The following GRM8 variants were observed in gnomAD, a reference collection of about 807,000 sequenced individuals.
GRM8 encodes the protein metabotropic glutamate receptor 8.
Under a neutral mutation model 87.2 loss-of-function variants are expected in GRM8, and 47 were observed. The observed-to-expected ratio is 0.54, with a 90% CI of 0.43 to 0.69. The LOEUF (loss-of-function observed/expected upper bound fraction) is 0.69, where lower values mean the gene tolerates loss of function less well. Among genes scored for constraint, GRM8 ranks in the 30% least tolerant of loss-of-function variants. The pLI is 0.00. For synonymous variants in GRM8, 396 were observed against 404.5 expected, an observed-to-expected ratio of 0.98 and a Z score of 0.25; for missense variants, 1,019 against 1,139.2, an observed-to-expected ratio of 0.89 and a Z score of 1.52.
chr7:126,930,750 C>T (rs1021569206), intron 3 of GRM8, among the ~76,000 whole-genome samples: 2 of 152,090 alleles, frequency 1.3e-5, no homozygotes, highest in African/African-American at 2.4e-5. Context: ...TCATGTGAGC[C>T]GAGTATTATA....
intron 3 of GRM8, among the ~76,000 whole-genome samples, chr7:127,025,694 T>C (rs933741557): frequency 6.6e-6 from 1 of 152,088 alleles, no homozygotes; most frequent in Non-Finnish European, 1.5e-5. Context: ...GTCAATATCC[T>C]GTCCAGAGAC....
intron 3 of GRM8, among the ~76,000 whole-genome samples, chr7:127,010,466 T>C (rs1814775762): frequency 6.6e-6 from 1 of 152,128 alleles, no homozygotes; most frequent in Non-Finnish European, 1.5e-5. Context: ...TGGCTGGATG[T>C]CAGGAAGTAA....
At chr7:126,553,639 A>C (rs1453202252) in intron 8 of GRM8, among the ~76,000 whole-genome samples, 2 of 152,186 alleles carry the variant, frequency 1.3e-5, no homozygotes, top group African/African-American at 4.8e-5. Flanking sequence ...TCTAGTTTTG[A>C]ATATATTAAG....
At chr7:126,574,771 G>A (rs945386586) in intron 8 of GRM8, among the ~76,000 whole-genome samples, 1 of 151,936 alleles carries the variant, frequency 6.6e-6, no homozygotes, top group African/African-American at 2.4e-5. Context: ...TTAGAAACAG[G>A]CTCCTTTTAA....
intron 2 of GRM8, among the ~76,000 whole-genome samples, chr7:127,197,334 A>G (rs1354730733): frequency 6.6e-6 from 1 of 152,250 alleles, no homozygotes; most frequent in Non-Finnish European, 1.5e-5. Flanking sequence ...ACCTACACAG[A>G]TAGACAATTG....
At chr7:127,130,080 G>A (rs1268518516) in intron 2 of GRM8, among the ~76,000 whole-genome samples, 2 of 152,120 alleles carry the variant, frequency 1.3e-5, no homozygotes, top group African/African-American at 4.8e-5. Context: ...CCCCTGCTCT[G>A]TCTCCTGCTG....
intron 9 of GRM8, among the ~76,000 whole-genome samples, chr7:126,493,860 T>G (rs1053148414): frequency 6.6e-6 from 1 of 152,044 alleles, no homozygotes; most frequent in African/African-American, 2.4e-5. Context: ...ATCAGTAAGA[T>G]TAGACAAAGG....
chr7:126,669,075 C>G (rs1806105081), intron 7 of GRM8, among the ~76,000 whole-genome samples: 1 of 152,072 alleles, frequency 6.6e-6, no homozygotes, highest in South Asian at 2.1e-4. Context: ...GAACAGAAAA[C>G]CAAACACTGC....
At position 126,972,265 on chromosome 7, in the gene GRM8, T is replaced by C. The variant is rs113511965; in HGVS notation, c.728-67582A>G. 8.0e-4 allele frequency among the ~76,000 whole-genome samples: 122 copies of C among 152,300 alleles called. 1 individual carries two copies. The highest frequency in any genetic ancestry group is 2.8e-3 in the African/African-American group (116 of 41,574). ...ATAACACATTCAAGAACCAGTCAAT[T>C]TGGTGAAAAAAGAAAAATCAAATTG... On this transcript the variant is annotated intron_variant, in intron 3 of 10. Transcript: ENST00000339582.
chr7:126,649,620 T>C (rs999005438), intron 7 of GRM8, among the ~76,000 whole-genome samples: 6 of 152,174 alleles, frequency 3.9e-5, no homozygotes, highest in African/African-American at 1.4e-4. Flanking sequence ...GTGGAGTCAG[T>C]AGAGACATTC....
chr7:127,125,620 A>G (rs1587085988), intron 2 of GRM8, among the ~76,000 whole-genome samples: 1 of 151,974 alleles, frequency 6.6e-6, no homozygotes, highest in Non-Finnish European at 1.5e-5. Context: ...TAGATAAATG[A>G]GTACTTAATT....
At chr7:127,122,792 T>C (rs967238565) in intron 2 of GRM8, among the ~76,000 whole-genome samples, 3 of 151,586 alleles carry the variant, frequency 2.0e-5, no homozygotes, top group Admixed American at 2.0e-4. Flanking sequence ...GAAAAGAAAA[T>C]GGAAATACTG....
At chr7:127,031,254 T>C (rs1817332757) in intron 3 of GRM8, among the ~76,000 whole-genome samples, 1 of 152,158 alleles carries the variant, frequency 6.6e-6, no homozygotes. Flanking sequence ...TTTCTTCCTT[T>C]TGTTTTTTTC....
rs139902518 is a variant in GRM8 at position 126,492,464 on chromosome 7, A to T, written c.2430+40488T>A. 1.3e-4 allele frequency among the ~76,000 whole-genome samples: 20 copies of T among 152,156 alleles called. No individual in the cohort carries two copies. In the East Asian group the frequency reaches 3.9e-3, roughly 30 times the overall value. On this transcript the variant is annotated intron_variant, in intron 9 of 10. Transcript: ENST00000339582. ...ATTATTCACACTATATACATGAAGAACTTTAAGATAGAAAGGAAATTACTG... is the reference window on the plus strand; with the variant it reads ...ATTATTCACACTATATACATGAAGATCTTTAAGATAGAAAGGAAATTACTG...
chr7:126,762,727 C>G (rs1244107733), intron 7 of GRM8, among the ~76,000 whole-genome samples: 3 of 151,328 alleles, frequency 2.0e-5, no homozygotes, highest in East Asian at 1.9e-4. Flanking sequence ...TAGTTAAAAA[C>G]AAAGTGAAAT....
intron 3 of GRM8, among the ~76,000 whole-genome samples, chr7:127,015,615 C>T (rs1815587402): frequency 6.6e-6 from 1 of 152,086 alleles, no homozygotes; most frequent in Admixed American, 6.6e-5. Flanking sequence ...CGACCACTAC[C>T]CTATTACATC....
chr7:126,453,761 A>G (rs1026606285), intron 9 of GRM8, among the ~76,000 whole-genome samples: 1 of 151,872 alleles, frequency 6.6e-6, no homozygotes, highest in Non-Finnish European at 1.5e-5. Flanking sequence ...AAACTATGGC[A>G]TTATTAAATA....
chr7:126,514,058 C>T (rs1450009978), intron 9 of GRM8, among the ~76,000 whole-genome samples: 1 of 152,098 alleles, frequency 6.6e-6, no homozygotes, highest in Non-Finnish European at 1.5e-5. Flanking sequence ...AAATGTCCTG[C>T]TTACCTATTA....
At chr7:126,890,490 G>A (rs1289345485) in intron 6 of GRM8, among the ~76,000 whole-genome samples, 1 of 152,030 alleles carries the variant, frequency 6.6e-6, no homozygotes, top group Non-Finnish European at 1.5e-5. Context: ...CTTTCCATCT[G>A]TCACCTTTAT....
Sources: gnomAD v4.1 joint callset for allele counts (sites outside exome capture counted in the v4.1 genomes callset) on GRCh38, gnomAD v4.1.1 for gene constraint, MANE v1.5 for transcripts, NCBI Gene and HGNC (gene_info 2026-07-23, HGNC 2026-07-21) for gene names.